Variants in LITAF observed in about 807,000 individuals in gnomAD.
LITAF encodes lipopolysaccharide-induced tumor necrosis factor-alpha factor.
In LITAF, 9 loss-of-function variants were observed where a neutral mutation model predicts 14.5. That is an observed-to-expected ratio of 0.62 (90% CI 0.37 to 1.08). LITAF has a LOEUF of 1.08. Among genes scored for constraint, LITAF ranks in the 50% least tolerant of loss-of-function variants. The pLI, the probability that LITAF is intolerant of heterozygous loss-of-function variation, is 0.01. For synonymous variants in LITAF, 98 were observed against 88.2 expected, an observed-to-expected ratio of 1.11 and a Z score of -0.62; for missense variants, 206 against 213.4, an observed-to-expected ratio of 0.97 and a Z score of 0.22.
At chr16:11,609,920 C>T (rs1329855321) in intron 3 of LITAF, among the ~76,000 whole-genome samples, 1 of 152,216 alleles carries the variant, frequency 6.6e-6, no homozygotes, top group Non-Finnish European at 1.5e-5. Flanking sequence ...TGAAATCACA[C>T]CCCACCTTCT....
intron 1 of LITAF, among the ~76,000 whole-genome samples, chr16:11,597,441 T>C (rs572028476): frequency 1.3e-5 from 2 of 152,092 alleles, no homozygotes; most frequent in Non-Finnish European, 2.9e-5. Flanking sequence ...GCCACCAGAC[T>C]CCTCTCTCCC....
upstream of LITAF, among the ~76,000 whole-genome samples, chr16:11,637,980 ATATC>A (rs1567270944): frequency 1.3e-3 from 91 of 72,652 alleles, 5 homozygotes; most frequent in African/African-American, 8.4e-3. Flanking sequence ...ATATCTATAT[ATATC>A]TATATATATC....
chr16:11,556,899 C>T (rs1275342584), intron 1 of LITAF, among the ~76,000 whole-genome samples, 164 bp from the exon 2 acceptor site: 1 of 152,146 alleles, frequency 6.6e-6, no homozygotes, highest in African/African-American at 2.4e-5. Flanking sequence ...CCCTTCAAGA[C>T]CCCAGAATTA....
intron 3 of LITAF, among the ~76,000 whole-genome samples, chr16:11,551,446 A>G (rs1219502843): frequency 6.6e-6 from 1 of 152,200 alleles, no homozygotes; most frequent in Non-Finnish European, 1.5e-5. Context: ...GAGAGGCAGG[A>G]TTTGAACCCA....
At position 11,553,791 on chromosome 16, in the gene LITAF, A is replaced by G. The variant is rs1739271873; in HGVS notation, c.221-102T>C. 3 of 1,320,802 alleles carry G rather than the reference A, an allele frequency of 2.3e-6. No individual in the cohort carries two copies. Among genetic ancestry groups the G allele is most frequent in the South Asian group, 2.5e-5 (2 of 80,296 alleles). 81.8% of individuals were successfully genotyped at this position (1,320,802 alleles called of 1,614,324 possible). A position where few individuals can be genotyped will look rare whatever the true frequency, so the allele number is the denominator to read the frequency against. On this transcript the variant is annotated intron_variant, in intron 2 of 3. Coordinates refer to ENST00000622633, the MANE Select transcript of LITAF (RefSeq NM_001136472.2). The surrounding 1 kb of genome is among the most constrained non-coding windows in gnomAD (Gnocchi z 7.7). ...GAACGCAGGGATGCCAGCAAATATT[A>G]TATTTGTACATTTGTGTTCATAGCA...
rs772254084 is a variant in LITAF, at chr16:11,553,725, A to G, written c.221-36T>C. On this transcript the variant is annotated intron_variant, in intron 2 of 3. Coordinates refer to ENST00000622633, the MANE Select transcript of LITAF (RefSeq NM_001136472.2). The surrounding 1 kb of genome is among the most constrained non-coding windows in gnomAD (Gnocchi z 7.7). ...GGAGAGGGACAAACACAGGTTGCTCAGGAAACAAGGCCAATAGCATTCACT... is the reference window on the plus strand; with the variant it reads ...GGAGAGGGACAAACACAGGTTGCTCGGGAAACAAGGCCAATAGCATTCACT... 6 of 1,612,924 alleles carry G rather than the reference A, an allele frequency of 3.7e-6. No homozygotes were observed. Among genetic ancestry groups the G allele is most frequent in the South Asian group, 1.1e-5 (1 of 90,936 alleles).
intron 1 of LITAF, chr16:11,561,289 T>C (rs941348430): frequency 3.3e-5 from 5 of 152,194 alleles, no homozygotes; most frequent in Non-Finnish European, 5.9e-5. Context: ...GCGGCGCAAT[T>C]CCTGCAAAAA....
upstream of LITAF, among the ~76,000 whole-genome samples, chr16:11,637,946 CTATA>C (rs1307620064): frequency 1.3e-3 from 74 of 59,074 alleles, 17 homozygotes; most frequent in African/African-American, 9.8e-3. Flanking sequence ...ATCTATATAT[CTATA>C]TATATCTATA....
At chr16:11,601,033 C>T (rs549746903), upstream of LITAF, among the ~76,000 whole-genome samples, 61 of 152,104 alleles carry the variant, frequency 4.0e-4, no homozygotes, top group Middle Eastern at 3.4e-3. Flanking sequence ...AGAAAAATCC[C>T]GCATCACCGG....
intron 1 of LITAF, among the ~76,000 whole-genome samples, chr16:11,557,070 TTTTG>T (rs367556550): frequency 4.0e-5 from 1 of 24,734 alleles, no homozygotes; most frequent in Non-Finnish European, 9.0e-5. Flanking sequence ...CGTTGTTTTT[TTTTG>T]TTTGTTTTTT....
upstream of LITAF, among the ~76,000 whole-genome samples, chr16:11,591,969 A>C (rs147235866): frequency 4.6e-3 from 701 of 152,356 alleles, 3 homozygotes; most frequent in South Asian, 9.1e-3. Flanking sequence ...ACCTCACATC[A>C]TATACAAAGG....
chr16:11,628,304 TCTC>T (rs2065096870), intron 3 of LITAF, among the ~76,000 whole-genome samples: 1 of 152,076 alleles, frequency 6.6e-6, no homozygotes, highest in African/African-American at 2.4e-5. Context: ...TGTTTGCGTG[TCTC>T]CTCTCCTTTC....
intron 3 of LITAF, among the ~76,000 whole-genome samples, chr16:11,551,545 G>T (rs1188813496): frequency 2.0e-5 from 3 of 152,194 alleles, no homozygotes; most frequent in Admixed American, 1.3e-4. Context: ...AATACTCAAT[G>T]TAAGTTTCTA....
At chr16:11,600,969 G>C (rs1295126671), upstream of LITAF, among the ~76,000 whole-genome samples, 7 of 152,132 alleles carry the variant, frequency 4.6e-5, no homozygotes, top group Non-Finnish European at 8.8e-5. The surrounding 1 kb of genome is among the most constrained non-coding windows in gnomAD (Gnocchi z 4.1). Flanking sequence ...GGCTGAGTGA[G>C]GCCTGGGCAG....
Position 11,547,780 on chromosome 16 carries a change from C to T in LITAF, c.*1857G>A, listed in dbSNP as rs1239948133. Reference sequence around the variant, plus strand: ...CTATGGCTTGCCGCCATCAATGACGCCTATTGGGTTCCAATAGCCTCATGT... The same window carrying T: ...CTATGGCTTGCCGCCATCAATGACGTCTATTGGGTTCCAATAGCCTCATGT... On this transcript the variant is annotated 3_prime_UTR_variant, in exon 4 of 4. Coordinates refer to ENST00000622633, the MANE Select transcript of LITAF (RefSeq NM_001136472.2). 2 of 454,082 alleles carry T rather than the reference C, an allele frequency of 4.4e-6. No homozygotes were observed. The highest frequency in any genetic ancestry group is 3.1e-5 in the South Asian group (2 of 64,476). 28.1% of individuals were successfully genotyped at this position (454,082 alleles called of 1,614,324 possible).
Position 11,570,960 on chromosome 16 carries a change from A to T in LITAF, c.-5-14225T>A, listed in dbSNP as rs1040425541. 7.3e-5 allele frequency among the ~76,000 whole-genome samples: 11 copies of T among 151,660 alleles called. 1 individual carries two copies. Among genetic ancestry groups the T allele is most frequent in the Admixed American group, 7.2e-4 (11 of 15,200 alleles). ...AGGAAGCTGTTGGCTTTGAAGGGGG[A>T]GGAAGGAGCCATAAATTAAGAAATG... is the stretch of plus-strand genomic sequence containing the variant. On this transcript the variant is annotated intron_variant, in intron 1 of 3. Transcript: ENST00000622633.
At chr16:11,625,786 CA>C (rs2065079839) in intron 3 of LITAF, among the ~76,000 whole-genome samples, 1 of 152,152 alleles carries the variant, frequency 6.6e-6, no homozygotes, top group Non-Finnish European at 1.5e-5. Context: ...GCGCTGGAGA[CA>C]GAAAGAGCCC....
chr16:11,633,267 C>T (rs2065126055), intron 3 of LITAF, among the ~76,000 whole-genome samples: 1 of 152,220 alleles, frequency 6.6e-6, no homozygotes, highest in African/African-American at 2.4e-5. Context: ...GGGCTCCAAT[C>T]TCAGCTCTGC....
intron 1 of LITAF, among the ~76,000 whole-genome samples, chr16:11,571,654 C>G (rs902057534): frequency 1.3e-5 from 2 of 152,148 alleles, no homozygotes; most frequent in Non-Finnish European, 2.9e-5. Flanking sequence ...AGAAGCAGCC[C>G]TCCTCCTCTG....
Sources: allele counts gnomAD v4.1 joint callset (sites outside exome capture counted in the v4.1 genomes callset), GRCh38; gene constraint gnomAD v4.1.1; non-coding constraint Gnocchi (gnomAD v3.1); transcripts MANE v1.5; gene names NCBI Gene and HGNC (gene_info 2026-07-23, HGNC 2026-07-21).